The following SORCS2 variants were observed in gnomAD, a reference collection of about 807,000 sequenced individuals.
SORCS2 encodes VPS10 domain-containing receptor SorCS2.
In SORCS2, 100 loss-of-function variants were observed where a neutral mutation model predicts 141.6. That is an observed-to-expected ratio of 0.71 (90% CI 0.60 to 0.83). The LOEUF (loss-of-function observed/expected upper bound fraction) is 0.83, where lower values mean the gene tolerates loss of function less well. Ranked by LOEUF, SORCS2 falls within the 40% of genes least tolerant of loss-of-function variation. SORCS2 has a pLI of 0.00. For missense variants in SORCS2, 1,646 were observed against 1,560.2 expected, an observed-to-expected ratio of 1.05 and a Z score of -0.93; for synonymous variants, 789 against 676.9, an observed-to-expected ratio of 1.17 and a Z score of -2.57.
At chr4:7,418,702 A>AC (rs67571622) in intron 2 of SORCS2, among the ~76,000 whole-genome samples, 10,720 of 95,058 alleles carry the variant, frequency 0.11, 616 homozygotes, top group Admixed American at 0.16. Context: ...GTAACAAATG[A>AC]CCCCCCCCCC....
At chr4:7,657,140 C>T (rs1018412303) in intron 5 of SORCS2, among the ~76,000 whole-genome samples, 3 of 152,262 alleles carry the variant, frequency 2.0e-5, no homozygotes, top group African/African-American at 4.8e-5. Flanking sequence ...ACCTGTACAC[C>T]GGTGTCTAGC....
intron 12 of SORCS2, among the ~76,000 whole-genome samples, chr4:7,701,436 G>A (rs538680810): frequency 9.9e-4 from 151 of 152,336 alleles, no homozygotes; most frequent in Non-Finnish European, 1.6e-3. Flanking sequence ...AGGAGGAAAC[G>A]CCTGGGGAAG....
chr4:7,550,124 ATGTGTGTATGTGTG>A (rs1713577500), intron 3 of SORCS2, among the ~76,000 whole-genome samples: 1 of 70,190 alleles, frequency 1.4e-5, no homozygotes, highest in Admixed American at 1.8e-4. Flanking sequence ...GTGTGTGTGT[ATGTGTGTATGTGTG>A]TGTGTGTGTG....
rs151009007 is a variant in SORCS2, at chr4:7,407,411, A to G, written c.548+11056A>G. 2.4e-3 allele frequency among the ~76,000 whole-genome samples: 369 copies of G among 151,996 alleles called. 2 individuals carry two copies. Among genetic ancestry groups the G allele is most frequent in the African/African-American group, 8.3e-3 (346 of 41,470 alleles). On this transcript the variant is annotated intron_variant, in intron 2 of 26. Transcript: ENST00000507866. ...ATTGTTATATCCTCATGGTGCATTGACCCCTTTATCATTATATAGTGACCT... is the reference window on the plus strand; with the variant it reads ...ATTGTTATATCCTCATGGTGCATTGGCCCCTTTATCATTATATAGTGACCT...
intron 4 of SORCS2, among the ~76,000 whole-genome samples, chr4:7,639,590 AGT>A (rs1720507584): frequency 1.3e-5 from 2 of 148,548 alleles, no homozygotes; most frequent in South Asian, 2.2e-4. Flanking sequence ...TGGGAATGCG[AGT>A]GTGGGTGTGA....
At chr4:7,616,450 C>T (rs1232821678) in intron 3 of SORCS2, among the ~76,000 whole-genome samples, 2 of 152,212 alleles carry the variant, frequency 1.3e-5, no homozygotes, top group East Asian at 1.9e-4. Context: ...ATCCACCCAT[C>T]TACCATTCAT....
intron 2 of SORCS2, among the ~76,000 whole-genome samples, chr4:7,464,932 C>T (rs896052006): frequency 3.9e-5 from 6 of 152,234 alleles, no homozygotes; most frequent in Admixed American, 1.3e-4. Flanking sequence ...CAGCACAGCC[C>T]GGCCTCCACG....
At position 7,718,078 on chromosome 4, in the gene SORCS2, G is replaced by A; in HGVS notation, c.2319G>A (p.Leu773=). 1.2e-6 allele frequency: 2 copies of A among 1,611,728 alleles called. No homozygotes were observed. Among genetic ancestry groups the A allele is most frequent in the Non-Finnish European group, 1.7e-6 (2 of 1,179,076 alleles). ...ACATGCAGCAGAGTCAGGTGCAGCT[G>A]CAGTGCCCCCTCACGCCGCCCCGGG... is the stretch of plus-strand genomic sequence containing the variant. The part of the protein sequence containing the change: ...GVDMQQSQVQ[L]QCPLTPPRGL... Residue 773 remains leucine, a synonymous_variant, in exon 18 of 27, where the codon CTG becomes CTA. Transcript: ENST00000507866.
At chr4:7,210,306 C>T (rs533958878) in intron 1 of SORCS2, among the ~76,000 whole-genome samples, 9 of 152,250 alleles carry the variant, frequency 5.9e-5, no homozygotes, top group Admixed American at 2.6e-4. Flanking sequence ...AAAATAGAGG[C>T]GGGGCTTCTC....
At chr4:7,422,842 C>T (rs112657972) in intron 2 of SORCS2, among the ~76,000 whole-genome samples, 6,657 of 152,262 alleles carry the variant, frequency 0.044, 489 homozygotes, top group African/African-American at 0.15. Context: ...CTCGTCACTG[C>T]CTGCTAATAA....
intron 1 of SORCS2, among the ~76,000 whole-genome samples, chr4:7,240,592 G>A (rs1213357293): frequency 5.3e-5 from 8 of 152,294 alleles, no homozygotes; most frequent in South Asian, 2.1e-4. Context: ...AGGCCCAGCC[G>A]CCCTGAGAGC....
At chr4:7,660,182 G>C (rs1361398346) in intron 5 of SORCS2, among the ~76,000 whole-genome samples, 1 of 152,206 alleles carries the variant, frequency 6.6e-6, no homozygotes, top group Non-Finnish European at 1.5e-5. Flanking sequence ...TGCCTCTCAA[G>C]ACAGAAGCTT....
intron 2 of SORCS2, among the ~76,000 whole-genome samples, chr4:7,446,988 C>A (rs1407156897): frequency 1.3e-5 from 2 of 152,218 alleles, no homozygotes; most frequent in Non-Finnish European, 2.9e-5. Flanking sequence ...CCTGGCTCAC[C>A]TCCTCACCCC....
intron 1 of SORCS2, among the ~76,000 whole-genome samples, chr4:7,208,894 G>A (rs1175017114): frequency 6.6e-6 from 1 of 152,226 alleles, no homozygotes; most frequent in Non-Finnish European, 1.5e-5. Flanking sequence ...CGCCAACCTG[G>A]CTCACCTAGC....
chr4:7,192,722 C>T lies in SORCS2; in HGVS notation c.76C>T (p.Pro26Ser). 1.0e-6 allele frequency: 1 copy of T among 990,288 alleles called. No individual in the cohort carries two copies. The highest frequency in any genetic ancestry group is 1.2e-6 in the Non-Finnish European group (1 of 834,836). 61.3% of individuals were successfully genotyped at this position (990,288 alleles called of 1,614,324 possible). A position where few individuals can be genotyped will look rare whatever the true frequency, so the allele number is the denominator to read the frequency against. Residue 26 changes from proline to serine, a missense_variant, in exon 1 of 27, where the codon CCG (proline) becomes TCG (serine). By Grantham distance (74) the Pro-to-Ser change is moderately conservative (BLOSUM62 -1). Transcript: ENST00000507866. This position sits in a 1 kb window ranked among gnomAD's most constrained non-coding sequence, Gnocchi z 4.0. ...CCGAGCCCCGAGCCCCGGGGCTCCGCCGCCGCCGCGCTCGCCGCGCTCGCG... is the reference window on the plus strand; with the variant it reads ...CCGAGCCCCGAGCCCCGGGGCTCCGTCGCCGCCGCGCTCGCCGCGCTCGCG... ...TARAPSPGAP[P>S]PPRSPRSRPL...
intron 1 of SORCS2, among the ~76,000 whole-genome samples, chr4:7,223,288 T>C (rs1421497524): frequency 1.1e-5 from 1 of 90,470 alleles, no homozygotes; most frequent in Admixed American, 1.1e-4. Context: ...GACCTTAGTG[T>C]ATATGCGCAC....
intron 2 of SORCS2, among the ~76,000 whole-genome samples, chr4:7,406,680 T>A (rs1325090677): frequency 2.6e-5 from 4 of 152,024 alleles, no homozygotes; most frequent in Non-Finnish European, 5.9e-5. Context: ...AAAGACCAAC[T>A]TTTCATTTCA....
At chr4:7,453,118 AGCTGTGTGTTGGGGTCAGGT>A (rs1728591407) in intron 2 of SORCS2, among the ~76,000 whole-genome samples, 8 of 71,960 alleles carry the variant, frequency 1.1e-4, no homozygotes, top group African/African-American at 2.3e-4. Flanking sequence ...TGGGTTCAGG[AGCTGTGTGTTGGGGTCAGGT>A]GCTGTGTGTT....
chr4:7,274,785 G>A (rs777440559), intron 1 of SORCS2, among the ~76,000 whole-genome samples: 4 of 152,134 alleles, frequency 2.6e-5, no homozygotes, highest in Non-Finnish European at 5.9e-5. Context: ...ACTCTGTGTG[G>A]GCCTGGTGTA....
Sources: gnomAD v4.1 joint callset for allele counts (sites outside exome capture counted in the v4.1 genomes callset) on GRCh38, gnomAD v4.1.1 for gene constraint, Gnocchi (gnomAD v3.1) non-coding constraint, MANE v1.5 for transcripts, NCBI Gene and HGNC (gene_info 2026-07-23, HGNC 2026-07-21) for gene names.